Variants in RIN3 observed in about 807,000 individuals in gnomAD.
The protein encoded by RIN3 is RAB5 interacting protein 3.
RIN3 carries 54 observed loss-of-function variants against 76.3 expected under a neutral mutation model. The ratio of observed to expected loss-of-function variants is 0.71; its 90% CI spans 0.57 to 0.89. The LOEUF is 0.89. Among genes scored for constraint, RIN3 ranks in the 40% least tolerant of loss-of-function variants. RIN3 has a pLI of 0.00. For synonymous variants in RIN3, 576 were observed against 564.0 expected (o/e 1.02, Z -0.30); for missense variants, 1,256 against 1,322.1 (o/e 0.95, Z 0.78).
At chr14:92,665,839 A>C (rs180913840) in intron 7 of RIN3, among the ~76,000 whole-genome samples, 15 of 151,634 alleles carry the variant, frequency 9.9e-5, no homozygotes, top group African/African-American at 3.4e-4. Context: ...ACTGACTTCA[A>C]TTCTGACTTT....
chr14:92,625,452 A>G (rs1886319303), intron 4 of RIN3, among the ~76,000 whole-genome samples: 1 of 152,082 alleles, frequency 6.6e-6, no homozygotes, highest in Admixed American at 6.6e-5. Context: ...GAACTGAGGT[A>G]TTATCTTCTC....
intron 3 of RIN3, among the ~76,000 whole-genome samples, chr14:92,588,383 G>A (rs558277198): frequency 6.6e-6 from 1 of 151,808 alleles, no homozygotes; most frequent in African/African-American, 2.4e-5. Context: ...ATGTGCCGCC[G>A]CCCCTGGCAA....
chr14:92,515,530 T>C (rs1175142167), intron 1 of RIN3: 2 of 461,412 alleles, frequency 4.3e-6, no homozygotes, highest in Admixed American at 8.3e-5. Context: ...TAGAGTTGTT[T>C]TGAGGACTAA....
At chr14:92,664,019 G>A (rs1887981615) in intron 7 of RIN3, among the ~76,000 whole-genome samples, 1 of 152,108 alleles carries the variant, frequency 6.6e-6, no homozygotes. Flanking sequence ...CTAGATGTTA[G>A]GATACAGGAA....
intron 2 of RIN3, among the ~76,000 whole-genome samples, chr14:92,563,325 C>T (rs140161869): frequency 3.4e-4 from 51 of 152,136 alleles, no homozygotes; most frequent in Admixed American, 1.2e-3. Flanking sequence ...CGCACCACTG[C>T]ACTCCAGCCT....
chr14:92,530,854 C>A (rs904173834), intron 1 of RIN3, among the ~76,000 whole-genome samples: 1 of 152,118 alleles, frequency 6.6e-6, no homozygotes, highest in African/African-American at 2.4e-5. Context: ...CTATCTTCTC[C>A]CCAAGTTGGT....
At chr14:92,677,258 CCCA>C (rs1004007780) in intron 8 of RIN3, among the ~76,000 whole-genome samples, 1 of 152,164 alleles carries the variant, frequency 6.6e-6, no homozygotes, top group African/African-American at 2.4e-5. Context: ...TTTCCTCCTT[CCCA>C]CCACATCCTC....
At chr14:92,616,774 G>A (rs552814834) in intron 4 of RIN3, among the ~76,000 whole-genome samples, 2 of 152,154 alleles carry the variant, frequency 1.3e-5, no homozygotes, top group African/African-American at 2.4e-5. Context: ...GTCTCTATGC[G>A]AGAGGAAATG....
intron 7 of RIN3, among the ~76,000 whole-genome samples, chr14:92,660,652 CT>C (rs1219502390): frequency 6.6e-6 from 1 of 152,226 alleles, no homozygotes; most frequent in Non-Finnish European, 1.5e-5. Context: ...ACTCTGATGC[CT>C]TTCATTGACT....
At chr14:92,555,474 T>G (rs1595411776) in intron 1 of RIN3, among the ~76,000 whole-genome samples, 2 of 152,118 alleles carry the variant, frequency 1.3e-5, no homozygotes, top group East Asian at 3.9e-4. Flanking sequence ...CCCTCACATT[T>G]GCCTACCCCA....
At chr14:92,684,329 G>A (rs1294644844) in intron 8 of RIN3, among the ~76,000 whole-genome samples, 1 of 144,070 alleles carries the variant, frequency 6.9e-6, no homozygotes, top group South Asian at 2.2e-4. Context: ...GCAGTGAGCC[G>A]AGATCACGCC....
At chr14:92,632,623 G>T (rs1234257297) in intron 4 of RIN3, among the ~76,000 whole-genome samples, 1 of 152,192 alleles carries the variant, frequency 6.6e-6, no homozygotes, top group Non-Finnish European at 1.5e-5. Flanking sequence ...AAGTGTGTGT[G>T]ACCCGCAAGC....
Position 92,651,658 on chromosome 14 carries a change from AT to A in RIN3, c.611del (p.Phe204SerfsTer3), listed in dbSNP as rs755663371. Reference protein sequence around the residue: ...AEPPRDRAPGFPLVSSLRPTA... With the variant: ...AEPPRDRAPGXPLVSSLRPTA... ...AGCCCCCAAGAGACCGGGCCCCCGG[AT>A]TCCCCCTAGTCTCCAGCCTCAGGCC... On this transcript the variant is annotated frameshift_variant, in exon 6 of 10. Transcript: ENST00000216487. LOFTEE classifies it high-confidence loss of function. The A allele has an allele frequency of 1.2e-6, 2 of 1,613,662 alleles. No individual in the cohort carries two copies. Among genetic ancestry groups the A allele is most frequent in the Non-Finnish European group, 1.7e-6 (2 of 1,179,782 alleles).
At chr14:92,515,505 A>G in intron 1 of RIN3, 1 of 486,818 alleles carries the variant, frequency 2.1e-6, no homozygotes, top group Non-Finnish European at 3.6e-6. Context: ...ATGATAAATA[A>G]TAGTAACTAC....
At chr14:92,607,867 C>T (rs1022130464) in intron 3 of RIN3, among the ~76,000 whole-genome samples, 13 of 152,122 alleles carry the variant, frequency 8.5e-5, no homozygotes, top group Non-Finnish European at 1.6e-4. Context: ...TGTTGATTCA[C>T]GGAACAACTT....
At chr14:92,519,881 A>G (rs866122572) in intron 1 of RIN3, among the ~76,000 whole-genome samples, 1 of 152,190 alleles carries the variant, frequency 6.6e-6, no homozygotes, top group South Asian at 2.1e-4. Context: ...GTGGGAAGGC[A>G]TTACTATCTG....
At chr14:92,540,416 A>G (rs1275432637) in intron 1 of RIN3, among the ~76,000 whole-genome samples, 1 of 152,196 alleles carries the variant, frequency 6.6e-6, no homozygotes, top group Non-Finnish European at 1.5e-5. Context: ...GATTTTCCAG[A>G]CACTTCTTGG....
chr14:92,581,245 A>G (rs930324600), intron 3 of RIN3, among the ~76,000 whole-genome samples: 1 of 152,110 alleles, frequency 6.6e-6, no homozygotes, highest in Admixed American at 6.5e-5. Context: ...GTCTCCTGGG[A>G]GATAGAGAGG....
intron 3 of RIN3, among the ~76,000 whole-genome samples, chr14:92,601,401 G>A (rs1324475156): frequency 1.3e-5 from 2 of 152,210 alleles, no homozygotes; most frequent in African/African-American, 2.4e-5. Context: ...GAGCTACTGA[G>A]CTTCTCTGGG....
Sources: allele counts gnomAD v4.1 joint callset (sites outside exome capture counted in the v4.1 genomes callset), GRCh38; gene constraint gnomAD v4.1.1; transcripts MANE v1.5; gene names NCBI Gene and HGNC (gene_info 2026-07-23, HGNC 2026-07-21).